Variants in MSH4 observed in about 807,000 individuals in gnomAD.
The protein encoded by MSH4 is mutS protein homolog 4.
In MSH4, 106 loss-of-function variants were observed where a neutral mutation model predicts 113.7. That is an observed-to-expected ratio of 0.93 (90% CI 0.80 to 1.10). MSH4 has a LOEUF of 1.10. Among genes scored for constraint, MSH4 ranks in the 50% least tolerant of loss-of-function variants. The pLI is 0.00. For synonymous variants in MSH4, 368 were observed against 380.2 expected, an observed-to-expected ratio of 0.97 and a Z score of 0.37; for missense variants, 1,061 against 1,093.7, an observed-to-expected ratio of 0.97 and a Z score of 0.42.
intron 1 of MSH4, among the ~76,000 whole-genome samples, chr1:75,801,568 C>CAA (rs35300428): frequency 3.8e-4 from 43 of 112,752 alleles, no homozygotes; most frequent in East Asian, 1.5e-3. Context: ...AACTCCATCT[C>CAA]AAAAAAAAAA....
At chr1:75,820,552 G>A (rs906358065) in intron 6 of MSH4, among the ~76,000 whole-genome samples, 29 of 152,294 alleles carry the variant, frequency 1.9e-4, no homozygotes, top group African/African-American at 7.0e-4. Context: ...TCTTGGGAGG[G>A]TGTATGTCTC....
In MSH4 at chr1:75,815,194, G is replaced by C. The variant is rs1451997811; in HGVS notation, c.815+58G>C. 9.9e-6 allele frequency: 9 copies of C among 913,604 alleles called. No individual in the cohort carries two copies. In the East Asian group the frequency reaches 2.5e-4, roughly 26 times the overall value. The allele number at this position is 913,604 out of a possible 1,614,324, so 56.6% of individuals were successfully genotyped here. ...CCCACAGCTACCAATATCATATCAAGTAAGTTATAACTTAAGGAAAGTAAA... is the reference window on the plus strand; with the variant it reads ...CCCACAGCTACCAATATCATATCAACTAAGTTATAACTTAAGGAAAGTAAA... On this transcript the variant is annotated intron_variant, in intron 5 of 19. Coordinates refer to ENST00000263187, the MANE Select transcript of MSH4 (RefSeq NM_002440.4).
chr1:75,840,796 A>G (rs1414679851), intron 7 of MSH4, among the ~76,000 whole-genome samples: 2 of 152,338 alleles, frequency 1.3e-5, no homozygotes, highest in South Asian at 2.1e-4. Context: ...ACATTAAGCT[A>G]TATCTGTCCT....
chr1:75,894,197 T>C (rs1652322340), intron 17 of MSH4, among the ~76,000 whole-genome samples: 1 of 152,106 alleles, frequency 6.6e-6, no homozygotes, highest in African/African-American at 2.4e-5. Flanking sequence ...GCAATAGGAA[T>C]AATTGGATCC....
intron 8 of MSH4, among the ~76,000 whole-genome samples, chr1:75,853,657 T>C (rs941419734): frequency 6.6e-6 from 1 of 151,550 alleles, no homozygotes; most frequent in East Asian, 2.0e-4. Context: ...TTAATCCATA[T>C]GGACTGATGA....
intron 7 of MSH4, among the ~76,000 whole-genome samples, chr1:75,829,243 A>T (rs10873728): frequency 0.21 from 31,520 of 152,124 alleles, 3,825 homozygotes; most frequent in African/African-American, 0.3. Flanking sequence ...GGGGATGGGC[A>T]TCTGGCTTTG....
intron 19 of MSH4, 23 bp downstream of exon 19, chr1:75,899,729 GT>G (rs776346707): frequency 7.3e-7 from 1 of 1,368,590 alleles, no homozygotes; most frequent in Non-Finnish European, 9.7e-7. Context: ...GTTCTTATTT[GT>G]TCTTCAAATT....
intron 15 of MSH4, among the ~76,000 whole-genome samples, chr1:75,886,460 TTATATATTATATATAA>T (rs1557524891): frequency 3.3e-5 from 4 of 121,934 alleles, no homozygotes; most frequent in African/African-American, 9.8e-5. Context: ...ATATGATGTA[TTATATATTATATATAA>T]TATATATGAT....
chr1:75,889,176 T>C (rs1345039809), intron 15 of MSH4, 75 bp from the exon 16 acceptor site: 17 of 726,430 alleles, frequency 2.3e-5, no homozygotes, highest in South Asian at 3.3e-5. Flanking sequence ...GTAAATAATC[T>C]GAGAAGTACA....
At chr1:75,899,499 A>G in intron 18 of MSH4, 119 bp from the exon 19 acceptor site, 1 of 512,628 alleles carries the variant, frequency 2.0e-6, no homozygotes, top group Admixed American at 3.6e-5. Flanking sequence ...TGAGTAGTTC[A>G]GAAGTGCCTC....
rs755561088 is a variant in MSH4, at chr1:75,807,128, C to A, written c.575C>A (p.Thr192Lys). The change falls in exon 3 of 20, where the codon ACA becomes AAA. Residue 192 changes from threonine (T) to lysine (K), a missense_variant. Physicochemically the swap from Thr to Lys is moderately conservative, Grantham distance 78. Transcript: ENST00000263187. ...ATACTATCCCAGTTTGCAGACAACA[C>A]AACATATGCAAAGGTAAGTATTAAT... ...QIILSQFADN[T>K]TYAKVITKLK... is the part of the protein sequence containing the mutation. The A allele has an allele frequency of 6.4e-6, 10 of 1,560,368 alleles. No homozygotes were observed. The highest frequency in any genetic ancestry group is 7.7e-6 in the Non-Finnish European group (9 of 1,163,236).
In MSH4 at chr1:75,878,334, G is replaced by T; in HGVS notation, c.1540+16G>T. On this transcript the variant is annotated intron_variant, in intron 11 of 19. Transcript: ENST00000263187. ...GACATAGCAGGTAATTTCTTTATTT[G>T]ATAATGTTTTTTGTAGGGATAAAAC... 1 of 1,559,260 alleles carries T rather than the reference G, an allele frequency of 6.4e-7. No individual in the cohort carries two copies. Among genetic ancestry groups the T allele is most frequent in the South Asian group, 1.2e-5 (1 of 82,398 alleles).
chr1:75,906,809 T>C (rs1383063855), intron 19 of MSH4, among the ~76,000 whole-genome samples: 1 of 149,980 alleles, frequency 6.7e-6, no homozygotes, highest in East Asian at 2.0e-4. Flanking sequence ...TGTCTGTAGT[T>C]ACTATTTTCA....
intron 19 of MSH4, among the ~76,000 whole-genome samples, chr1:75,900,273 A>G (rs1044575108): frequency 3.3e-5 from 5 of 151,952 alleles, no homozygotes; most frequent in Admixed American, 6.6e-5. Flanking sequence ...GTTGCTTTAT[A>G]TAAGTGTTTT....
In MSH4 at chr1:75,806,898, G is replaced by T; in HGVS notation, c.428-83G>T. 5 of 1,276,538 alleles carry T rather than the reference G, an allele frequency of 3.9e-6. No individual in the cohort carries two copies. In the South Asian group the frequency reaches 6.4e-5, roughly 16 times the overall value. 79.1% of individuals were successfully genotyped at this position (1,276,538 alleles called of 1,614,324 possible). On this transcript the variant is annotated intron_variant, in intron 2 of 19. Transcript: ENST00000263187. ...ACAGATTGCATTATTTTGTCCTCTT[G>T]ATTAAGAATTTCCTAGTTTTTTTTA...
At chr1:75,895,102 A>G (rs1049602388) in intron 17 of MSH4, among the ~76,000 whole-genome samples, 48 of 152,098 alleles carry the variant, frequency 3.2e-4, no homozygotes, top group African/African-American at 1.2e-3. Context: ...ACCAAGAGAC[A>G]TAGTGATAAC....
chr1:75,904,776 C>T (rs1652586240), intron 19 of MSH4, among the ~76,000 whole-genome samples: 1 of 152,016 alleles, frequency 6.6e-6, no homozygotes, highest in Admixed American at 6.5e-5. Context: ...TCTCATTATT[C>T]ATTATAGGTC....
intron 15 of MSH4, among the ~76,000 whole-genome samples, chr1:75,888,248 A>G (rs1484555674): frequency 2.0e-5 from 3 of 150,676 alleles, no homozygotes; most frequent in South Asian, 4.2e-4. Context: ...TTATTTCACC[A>G]TTTTACCTAT....
chr1:75,859,219 G>T (rs548391141), intron 8 of MSH4, among the ~76,000 whole-genome samples: 1 of 152,118 alleles, frequency 6.6e-6, no homozygotes, highest in Non-Finnish European at 1.5e-5. Flanking sequence ...ACCAGCTCCT[G>T]GATTCATTCA....
Sources: allele counts gnomAD v4.1 joint callset (sites outside exome capture counted in the v4.1 genomes callset), GRCh38; gene constraint gnomAD v4.1.1; transcripts MANE v1.5; gene names NCBI Gene and HGNC (gene_info 2026-07-23, HGNC 2026-07-21).